AJAP1: variants seen among roughly 807,000 people sequenced by gnomAD.
The protein encoded by AJAP1 is adherens junctions associated protein 1, also known as adherens junction-associated protein 1.
In AJAP1, 5 loss-of-function variants were observed where a neutral mutation model predicts 35.0. That is an observed-to-expected ratio of 0.14 (90% CI 0.07 to 0.30). The LOEUF (loss-of-function observed/expected upper bound fraction) is 0.30. Ranked by LOEUF, AJAP1 falls within the 10% of genes least tolerant of loss-of-function variation. AJAP1 has a pLI of 1.00. For missense variants in AJAP1, 586 were observed against 571.0 expected (o/e 1.03, Z -0.27); for synonymous variants, 284 against 249.3 (o/e 1.14, Z -1.31).
Position 4,712,484 on chromosome 1 carries a change from C to A in AJAP1, c.614C>A (p.Thr205Lys). Reference sequence around the variant, plus strand: ...TTTCCGGGCGTTTACGGCCCCACCACGGTCTCCATCCTACAAACACGGAAG... The same window carrying A: ...TTTCCGGGCGTTTACGGCCCCACCAAGGTCTCCATCCTACAAACACGGAAG... Reference protein sequence around the residue: ...NTFPGVYGPTTVSILQTRKTT... With the variant: ...NTFPGVYGPTKVSILQTRKTT... The change falls in exon 2 of 6, where the codon ACG (threonine) becomes AAG (lysine). Residue 205 changes from threonine to lysine, a missense_variant. Physicochemically the swap from Thr to Lys is moderately conservative, Grantham distance 78 (BLOSUM62 -1). Coordinates refer to ENST00000378191, the MANE Select transcript of AJAP1 (RefSeq NM_018836.4). 6.2e-7 allele frequency: 1 copy of A among 1,612,484 alleles called. No homozygotes were observed. Among genetic ancestry groups the A allele is most frequent in the Non-Finnish European group, 8.5e-7 (1 of 1,179,446 alleles).
chr1:4,721,055 A>T (rs1203846317), intron 2 of AJAP1, among the ~76,000 whole-genome samples: 1 of 152,240 alleles, frequency 6.6e-6, no homozygotes, highest in African/African-American at 2.4e-5. Context: ...ACATAGCTGG[A>T]ATAGCACTTT....
intron 1 of AJAP1, among the ~76,000 whole-genome samples, chr1:4,676,055 A>G (rs183470677): frequency 9.5e-4 from 145 of 152,204 alleles, no homozygotes; most frequent in African/African-American, 2.7e-3. Flanking sequence ...CTCTCTAGGT[A>G]GCTTGCTACT....
chr1:4,736,012 G>A (rs964460772), intron 2 of AJAP1, among the ~76,000 whole-genome samples: 2 of 152,216 alleles, frequency 1.3e-5, no homozygotes, highest in Non-Finnish European at 2.9e-5. Flanking sequence ...ACTTGCTACA[G>A]TGGCAAGCTG....
rs1640860577 is a variant in AJAP1 at position 4,733,983 on chromosome 1, G to A, written c.829+21284G>A. 2.0e-5 allele frequency among the ~76,000 whole-genome samples: 3 copies of A among 152,234 alleles called. No homozygotes were observed. In the South Asian group the frequency reaches 6.2e-4, roughly 31 times the overall value. Reference sequence around the variant, plus strand: ...GAGCTGAATGGAGCGGTTCACGCGAGGTGTGTGCGTCGCGAGCAGGGCCCT... The same window carrying A: ...GAGCTGAATGGAGCGGTTCACGCGAAGTGTGTGCGTCGCGAGCAGGGCCCT... On this transcript the variant is annotated intron_variant, in intron 2 of 5. Transcript: ENST00000378191.
chr1:4,663,043 T>A (rs970498802), intron 1 of AJAP1, among the ~76,000 whole-genome samples: 1 of 151,764 alleles, frequency 6.6e-6, no homozygotes, highest in African/African-American at 2.4e-5. Flanking sequence ...CAGCCGTGCC[T>A]CCCCCTTCCC....
At chr1:4,659,576 A>T (rs1638958098) in intron 1 of AJAP1, among the ~76,000 whole-genome samples, 1 of 151,974 alleles carries the variant, frequency 6.6e-6, no homozygotes, top group South Asian at 2.1e-4. Flanking sequence ...TCCATGTCAG[A>T]CCTCTGGTGG....
chr1:4,781,411 G>A (rs1042058135), intron 5 of AJAP1, among the ~76,000 whole-genome samples: 2 of 152,176 alleles, frequency 1.3e-5, no homozygotes, highest in African/African-American at 2.4e-5. Flanking sequence ...TCCAGAGGTG[G>A]GCCTGGGAAT....
Position 4,784,909 on chromosome 1 carries a change from G to C in AJAP1, c.*2424G>C, listed in dbSNP as rs757009799. On this transcript the variant is annotated 3_prime_UTR_variant, in exon 6 of 6. Transcript: ENST00000378191. ...GCTGAGGTGGGCCTCCTGACTCCAG[G>C]TGAGCACAGCGTGGTGCGAGTGCAT... 2 of 152,620 alleles carry C rather than the reference G, an allele frequency of 1.3e-5. No homozygotes were observed. Among genetic ancestry groups the C allele is most frequent in the Non-Finnish European group, 2.9e-5 (2 of 68,298 alleles). The allele number at this position is 152,620 out of a possible 1,614,324, so 9.5% of individuals were successfully genotyped here. A position where few individuals can be genotyped will look rare whatever the true frequency, so the allele number is the denominator to read the frequency against.
Position 4,784,554 on chromosome 1 carries a change from T to C in AJAP1, c.*2069T>C, listed in dbSNP as rs905259542. 5.3e-5 allele frequency: 8 copies of C among 152,250 alleles called. No homozygotes were observed. Among genetic ancestry groups the C allele is most frequent in the Admixed American group, 5.2e-4 (8 of 15,290 alleles). 9.4% of individuals were successfully genotyped at this position (152,250 alleles called of 1,614,324 possible). ...TCTCCCTCTAAAACACCTTGTGATA[T>C]GCTTCAGAAGTTCACTTTTGTATCT... is the stretch of plus-strand genomic sequence containing the variant. On this transcript the variant is annotated 3_prime_UTR_variant, in exon 6 of 6. Transcript: ENST00000378191.
chr1:4,764,245 C>T (rs188185000), intron 2 of AJAP1, among the ~76,000 whole-genome samples: 2 of 152,326 alleles, frequency 1.3e-5, no homozygotes, highest in Non-Finnish European at 2.9e-5. Flanking sequence ...GAAGACTCTG[C>T]GGGGTCACTC....
At chr1:4,698,940 G>T (rs953667055) in intron 1 of AJAP1, among the ~76,000 whole-genome samples, 2 of 152,178 alleles carry the variant, frequency 1.3e-5, no homozygotes, top group Non-Finnish European at 2.9e-5. Flanking sequence ...GCAGCTAAGG[G>T]GTCCTAGGTC....
At chr1:4,755,326 C>G (rs1173724779) in intron 2 of AJAP1, among the ~76,000 whole-genome samples, 1 of 152,176 alleles carries the variant, frequency 6.6e-6, no homozygotes, top group Non-Finnish European at 1.5e-5. Context: ...ATGTCCCCCT[C>G]CTCTCTCACA....
intron 2 of AJAP1, among the ~76,000 whole-genome samples, chr1:4,721,695 G>A (rs1362371219): frequency 6.6e-6 from 1 of 152,180 alleles, no homozygotes; most frequent in Non-Finnish European, 1.5e-5. Context: ...GGAATCTTGG[G>A]TTGGGCAAAG....
At chr1:4,716,198 T>G (rs1640385220) in intron 2 of AJAP1, among the ~76,000 whole-genome samples, 1 of 152,216 alleles carries the variant, frequency 6.6e-6, no homozygotes, top group African/African-American at 2.4e-5. Flanking sequence ...GCTGGAATGA[T>G]TAAAGGGTCC....
chr1:4,753,921 CT>C (rs1641372873), intron 2 of AJAP1, among the ~76,000 whole-genome samples: 2 of 152,190 alleles, frequency 1.3e-5, no homozygotes, highest in South Asian at 4.1e-4. Context: ...CTTACTTATT[CT>C]ATGAGACTAT....
chr1:4,732,299 G>C (rs966683971), intron 2 of AJAP1, among the ~76,000 whole-genome samples: 1 of 152,278 alleles, frequency 6.6e-6, no homozygotes, highest in Admixed American at 6.5e-5. Flanking sequence ...ACAGGTTCCA[G>C]AGGCCCTAAT....
Position 4,712,312 on chromosome 1 carries a change from C to A in AJAP1, c.442C>A (p.Gln148Lys), listed in dbSNP as rs1381939975. Residue 148 changes from glutamine to lysine, a missense_variant, in exon 2 of 6, where the codon CAG becomes AAG. Physicochemically the swap from Gln to Lys is moderately conservative, Grantham distance 53. Coordinates refer to ENST00000378191, the MANE Select transcript of AJAP1 (RefSeq NM_018836.4). ...CGCGGTGGCCGGTGGGGCCCCGGAGCAGCAGGCCCTCCTGAGGAGGGGCAA... is the reference window on the plus strand; with the variant it reads ...CGCGGTGGCCGGTGGGGCCCCGGAGAAGCAGGCCCTCCTGAGGAGGGGCAA... ...SSAVAGGAPE[Q>K]QALLRRGKRH... is the part of the protein sequence containing the mutation. The A allele has an allele frequency of 1.3e-6, 2 of 1,489,474 alleles. No homozygotes were observed. The highest frequency in any genetic ancestry group is 1.8e-6 in the Non-Finnish European group (2 of 1,119,898). The allele number at this position is 1,489,474 out of a possible 1,614,324, so 92.3% of individuals were successfully genotyped here.
At position 4,655,013 on chromosome 1, in the gene AJAP1, A is replaced by G. The variant is rs2100495343; in HGVS notation, c.-413A>G. Reference sequence around the variant, plus strand: ...AAGAGCCGCGCGCCGGGAGACACGCACCGTGAGCGGCAGCGCCGCCGGCCT... The same window carrying G: ...AAGAGCCGCGCGCCGGGAGACACGCGCCGTGAGCGGCAGCGCCGCCGGCCT... On this transcript the variant is annotated 5_prime_UTR_variant, in exon 1 of 6. Coordinates refer to ENST00000378191, the MANE Select transcript of AJAP1 (RefSeq NM_018836.4). This position sits in a 1 kb window ranked among gnomAD's most constrained non-coding sequence, Gnocchi z 6.9. 1 of 150,402 alleles carries G rather than the reference A, an allele frequency of 6.6e-6. No individual in the cohort carries two copies. The highest frequency in any genetic ancestry group is 6.6e-5 in the Admixed American group (1 of 15,150). 9.3% of individuals were successfully genotyped at this position (150,402 alleles called of 1,614,324 possible).
intron 2 of AJAP1, among the ~76,000 whole-genome samples, chr1:4,740,075 A>G (rs1641021975): frequency 6.6e-6 from 1 of 152,148 alleles, no homozygotes; most frequent in Non-Finnish European, 1.5e-5. Flanking sequence ...CCATGTTCAC[A>G]GCAGCGTTAT....
Sources: allele counts gnomAD v4.1 joint callset (sites outside exome capture counted in the v4.1 genomes callset), GRCh38; gene constraint gnomAD v4.1.1; non-coding constraint Gnocchi (gnomAD v3.1); transcripts MANE v1.5; gene names NCBI Gene and HGNC (gene_info 2026-07-23, HGNC 2026-07-21).